Variants in ANKRD13A observed in about 807,000 individuals in gnomAD.
ANKRD13A encodes the protein ankyrin repeat domain-containing protein 13A.
In ANKRD13A, 48 loss-of-function variants were observed where a neutral mutation model predicts 81.3. The observed-to-expected ratio is 0.59, with a 90% CI of 0.47 to 0.75. The LOEUF (loss-of-function observed/expected upper bound fraction) is 0.75. Among genes scored for constraint, ANKRD13A ranks in the 30% least tolerant of loss-of-function variants. ANKRD13A has a pLI of 0.00. For missense variants in ANKRD13A, 612 were observed against 734.0 expected (o/e 0.83, Z 1.92); for synonymous variants, 230 against 270.1 (o/e 0.85, Z 1.45).
intron 8 of ANKRD13A, among the ~76,000 whole-genome samples, chr12:110,026,245 G>A (rs12231634): frequency 6.6e-6 from 1 of 151,424 alleles, no homozygotes; most frequent in Non-Finnish European, 1.5e-5. Flanking sequence ...GATTACAGGC[G>A]TGAGCCACCG....
At chr12:110,021,425 C>CTTTTTTTTTTTTTTTTTTTTTTTTTTTT (rs59262099) in intron 6 of ANKRD13A, 1 of 129,928 alleles carries the variant, frequency 7.7e-6, no homozygotes, top group Non-Finnish European at 1.6e-5. Context: ...TTTTTTCTTT[C>CTTTTTTTTTTTTTTTTTTTTTTTTTTTT]TTTTTTTTTT....
At chr12:110,008,640 T>C (rs1890358015) in intron 1 of ANKRD13A, among the ~76,000 whole-genome samples, 3 of 152,174 alleles carry the variant, frequency 2.0e-5, no homozygotes, top group Non-Finnish European at 4.4e-5. Flanking sequence ...ATCCCAGCAC[T>C]TTGGGAGGCT....
At chr12:110,016,906 G>T (rs933846722) in intron 4 of ANKRD13A, among the ~76,000 whole-genome samples, 3 of 152,050 alleles carry the variant, frequency 2.0e-5, no homozygotes, top group Non-Finnish European at 2.9e-5. Context: ...CTGAGTAGCT[G>T]GGATTACAGG....
intron 1 of ANKRD13A, among the ~76,000 whole-genome samples, chr12:110,001,830 T>G (rs74725620): frequency 0.043 from 6,536 of 152,290 alleles, 228 homozygotes; most frequent in African/African-American, 0.098. Flanking sequence ...ACACATGCCC[T>G]CAGACTAAAT....
Position 110,027,724 on chromosome 12 carries a change from A to G in ANKRD13A, c.903A>G (p.Glu301=), listed in dbSNP as rs1891422256. The G allele has an allele frequency of 6.2e-7, 1 of 1,614,188 alleles. No homozygotes were observed. The highest frequency in any genetic ancestry group is 1.3e-5 in the African/African-American group (1 of 75,048). Residue 301 remains glutamate (E), a synonymous_variant, in exon 9 of 15, where the codon GAA becomes GAG. Transcript: ENST00000261739. ...KRYKADRNPL[E]SLLGTVEHQF... is the part of the protein sequence containing the mutation. ...CTGTAGCAGACAGGAACCCGCTGGA[A>G]TCTTTGCTGGGAACTGTGGAACACC... is the stretch of plus-strand genomic sequence containing the variant.
At chr12:110,029,750 A>G in intron 11 of ANKRD13A, 115 bp downstream of exon 11, 1 of 1,234,024 alleles carries the variant, frequency 8.1e-7, no homozygotes, top group South Asian at 1.4e-5. Flanking sequence ...AAAGTAGCTT[A>G]TAGACATAAC....
rs1299385525 is a variant in ANKRD13A, at chr12:109,999,829, G to A, written c.96+45G>A. 21 of 1,474,508 alleles carry A rather than the reference G, an allele frequency of 1.4e-5. No homozygotes were observed. Among genetic ancestry groups the A allele is most frequent in the Non-Finnish European group, 1.8e-5 (20 of 1,101,890 alleles). The allele number at this position is 1,474,508 out of a possible 1,614,324, so 91.3% of individuals were successfully genotyped here. A position where few individuals can be genotyped will look rare whatever the true frequency, so the allele number is the denominator to read the frequency against. On this transcript the variant is annotated intron_variant, in intron 1 of 14. Transcript: ENST00000261739. The surrounding 1 kb of genome is among the most constrained non-coding windows in gnomAD (Gnocchi z 4.3). ...TCCGTCTCCCGGTGGGGACTTCGGG[G>A]AATCGGGGGTCGTTTCGCCTCCCTG...
intron 1 of ANKRD13A, among the ~76,000 whole-genome samples, chr12:110,001,192 T>C (rs1889953518): frequency 6.6e-6 from 1 of 151,682 alleles, no homozygotes; most frequent in African/African-American, 2.4e-5. Context: ...TCTTGTTGAC[T>C]TCATACATTT....
In ANKRD13A at chr12:110,024,055, C is replaced by T. The variant is rs772124154; in HGVS notation, c.744C>T (p.Ser248=). ...TKNIAFERTK[S]GFWGWRTDKA... is the part of the protein sequence containing the mutation. ...GTTCACTTTTTATCAGAACTAAATC[C>T]GGATTCTGGGGCTGGAGGACAGATA... The change falls in exon 7 of 15, where the codon TCC becomes TCT. Residue 248 remains serine (S), a synonymous_variant. Coordinates refer to ENST00000261739, the MANE Select transcript of ANKRD13A (RefSeq NM_033121.2). 2.5e-5 allele frequency: 41 copies of T among 1,613,018 alleles called. No homozygotes were observed. Among genetic ancestry groups the T allele is most frequent in the Admixed American group, 6.7e-5 (4 of 59,740 alleles).
chr12:110,037,662 C>A lies in ANKRD13A; in HGVS notation c.*108C>A. The A allele has an allele frequency of 9.0e-7, 1 of 1,113,656 alleles. No homozygotes were observed. Among genetic ancestry groups the A allele is most frequent in the Non-Finnish European group, 1.3e-6 (1 of 795,672 alleles). The allele number at this position is 1,113,656 out of a possible 1,614,324, so 69.0% of individuals were successfully genotyped here. On this transcript the variant is annotated 3_prime_UTR_variant, in exon 15 of 15. Transcript: ENST00000261739. ...GGGCCTGCACCTTGCGTGCATGCAG[C>A]AGGCAACAACTGCCCCTTCTTTATG...
rs1354916872 is a variant in ANKRD13A at position 109,999,697 on chromosome 12, G to C, written c.9G>C (p.Ser3=). 1 of 1,535,622 alleles carries C rather than the reference G, an allele frequency of 6.5e-7. No individual in the cohort carries two copies. The highest frequency in any genetic ancestry group is 1.2e-5 in the South Asian group (1 of 82,530). Residue 3 remains serine (S), a synonymous_variant, in exon 1 of 15, where the codon TCG becomes TCC. Coordinates refer to ENST00000261739, the MANE Select transcript of ANKRD13A (RefSeq NM_033121.2). The surrounding 1 kb of genome is among the most constrained non-coding windows in gnomAD (Gnocchi z 4.3). The part of the protein sequence containing the change: MS[S]ACDAGDHYPL... ...GTTACGGCCTCCTCGCCATGTCCTCGGCCTGCGACGCGGGCGACCACTACC... is the reference window on the plus strand; with the variant it reads ...GTTACGGCCTCCTCGCCATGTCCTCCGCCTGCGACGCGGGCGACCACTACC...
At chr12:110,007,133 G>A (rs1328850790) in intron 1 of ANKRD13A, among the ~76,000 whole-genome samples, 4 of 152,120 alleles carry the variant, frequency 2.6e-5, no homozygotes, top group Non-Finnish European at 4.4e-5. Flanking sequence ...ATTGGCAAGC[G>A]TGAAATGTGA....
rs375186462 is a variant in ANKRD13A at position 110,036,207 on chromosome 12, T to G, written c.1510-54T>G. On this transcript the variant is annotated intron_variant, in intron 13 of 14. Transcript: ENST00000261739. This position sits in a 1 kb window ranked among gnomAD's most constrained non-coding sequence, Gnocchi z 4.6. ...TGCTGCCATCGTTTCCTTACCAGAA[T>G]GGCACCAATTTCTCCTAAGACGTAT... 16 of 1,530,478 alleles carry G rather than the reference T, an allele frequency of 1.0e-5. No individual in the cohort carries two copies. In the African/African-American group the frequency reaches 2.2e-4, roughly 21 times the overall value. 94.8% of individuals were successfully genotyped at this position (1,530,478 alleles called of 1,614,324 possible). A position where few individuals can be genotyped will look rare whatever the true frequency, so the allele number is the denominator to read the frequency against.
chr12:109,999,349 G>A (rs887710763), upstream of ANKRD13A: 17 of 158,380 alleles, frequency 1.1e-4, no homozygotes, highest in South Asian at 4.1e-4. This position sits in a 1 kb window ranked among gnomAD's most constrained non-coding sequence, Gnocchi z 4.3. Context: ...CCCCGGACCC[G>A]GTGCCCAAGG....
intron 6 of ANKRD13A, chr12:110,022,185 C>T (rs961847830): frequency 6.6e-6 from 1 of 152,404 alleles, no homozygotes; most frequent in Non-Finnish European, 1.5e-5. Context: ...CGTGCTGGCT[C>T]ACGCCTGTAA....
rs763355622 is a variant in ANKRD13A, at chr12:110,013,150, C to T, written c.255C>T (p.Gly85=). 6.8e-6 allele frequency: 11 copies of T among 1,614,078 alleles called. No homozygotes were observed. Among genetic ancestry groups the T allele is most frequent in the African/African-American group, 2.7e-5 (2 of 75,056 alleles). ...WTVLHEAVST[G]DPEMVYTVLQ... ...TTTTACATGAGGCTGTGAGCACTGG[C>T]GATCCTGAGATGGTGTACACAGTTC... The change falls in exon 3 of 15, where the codon GGC becomes GGT. Residue 85 remains glycine, a synonymous_variant. Coordinates refer to ENST00000261739, the MANE Select transcript of ANKRD13A (RefSeq NM_033121.2).
chr12:110,024,729 C>T (rs1593220304), intron 7 of ANKRD13A, among the ~76,000 whole-genome samples: 2 of 152,200 alleles, frequency 1.3e-5, no homozygotes, highest in African/African-American at 2.4e-5. Context: ...GAAAGGCTTA[C>T]GTCATGCTCA....
In ANKRD13A at chr12:110,028,736, C is replaced by T. The variant is rs1009907784; in HGVS notation, c.1076+94C>T. Reference sequence around the variant, plus strand: ...TGTTGGATCATTCCACTGCCCTCCCCACCACCCTTATTTTTTTTTCAGACG... The same window carrying T: ...TGTTGGATCATTCCACTGCCCTCCCTACCACCCTTATTTTTTTTTCAGACG... On this transcript the variant is annotated intron_variant, in intron 10 of 14. Transcript: ENST00000261739. The T allele has an allele frequency of 2.9e-5, 44 of 1,528,310 alleles. No homozygotes were observed. The Admixed American group carries it at 7.9e-4, about 27-fold the overall frequency. 94.7% of individuals were successfully genotyped at this position (1,528,310 alleles called of 1,614,324 possible).
Position 110,036,354 on chromosome 12 carries a change from T to C in ANKRD13A, c.1577+26T>C. 1.2e-6 allele frequency: 2 copies of C among 1,611,022 alleles called. No individual in the cohort carries two copies. The highest frequency in any genetic ancestry group is 1.7e-6 in the Non-Finnish European group (2 of 1,177,342). On this transcript the variant is annotated intron_variant, in intron 14 of 14. Coordinates refer to ENST00000261739, the MANE Select transcript of ANKRD13A (RefSeq NM_033121.2). The surrounding 1 kb of genome is among the most constrained non-coding windows in gnomAD (Gnocchi z 4.6). ...GTGATTGACTGACGTGACTCTGGAA[T>C]AAACCAGGGTGAACACAGGCCTGGA...
Sources: gnomAD v4.1 joint callset for allele counts (sites outside exome capture counted in the v4.1 genomes callset) on GRCh38, gnomAD v4.1.1 for gene constraint, Gnocchi (gnomAD v3.1) non-coding constraint, MANE v1.5 for transcripts, NCBI Gene and HGNC (gene_info 2026-07-23, HGNC 2026-07-21) for gene names.